The following ANKMY1 variants were observed in gnomAD, a reference collection of about 807,000 sequenced individuals.
ANKMY1 encodes ankyrin repeat and MYND domain-containing protein 1.
ANKMY1 carries 98 observed loss-of-function variants against 102.0 expected under a neutral mutation model. The observed-to-expected ratio is 0.96, with a 90% CI of 0.82 to 1.14. The LOEUF (loss-of-function observed/expected upper bound fraction) is 1.14. ANKMY1 is among the 50% of genes most tolerant of loss of function. The probability of loss-of-function intolerance (pLI) is 0.00; values close to 1 mark genes in which losing one functional copy is unlikely to be tolerated. For missense variants in ANKMY1, 1,330 were observed against 1,347.6 expected (o/e 0.99, Z 0.20); for synonymous variants, 582 against 559.9 (o/e 1.04, Z -0.56).
intron 5 of ANKMY1, 122 bp from the exon 6 acceptor site, chr2:240,526,567 ACTC>A: frequency 1.3e-6 from 2 of 1,499,532 alleles, no homozygotes; most frequent in Non-Finnish European, 1.8e-6. Flanking sequence ...CCCACTGTTC[ACTC>A]CTCAGGTACC....
At chr2:240,518,837 T>C (rs961921618) in intron 9 of ANKMY1, among the ~76,000 whole-genome samples, 11 of 152,092 alleles carry the variant, frequency 7.2e-5, no homozygotes, top group Non-Finnish European at 7.4e-5. Context: ...AAACCAAAAA[T>C]TCTGTTTTCT....
chr2:240,516,230 A>G (rs1212353607), intron 9 of ANKMY1, among the ~76,000 whole-genome samples: 1 of 151,584 alleles, frequency 6.6e-6, no homozygotes, highest in Non-Finnish European at 1.5e-5. Context: ...CTGTTTTATA[A>G]TATCAAGTGT....
intron 15 of ANKMY1, among the ~76,000 whole-genome samples, chr2:240,498,812 C>CAT (rs1328275816): frequency 8.6e-5 from 13 of 152,028 alleles, no homozygotes; most frequent in Admixed American, 8.5e-4. Flanking sequence ...GTTCACATGA[C>CAT]AGCTGGGAGT....
At chr2:240,505,115 G>A (rs1278974041) in intron 13 of ANKMY1, among the ~76,000 whole-genome samples, 1 of 152,106 alleles carries the variant, frequency 6.6e-6, no homozygotes, top group Non-Finnish European at 1.5e-5. Flanking sequence ...CACTGTTGGT[G>A]AGAACATGAA....
chr2:240,554,694 G>T, intron 3 of ANKMY1, 172 bp downstream of exon 3: 1 of 720,982 alleles, frequency 1.4e-6, no homozygotes, highest in Non-Finnish European at 2.2e-6. Context: ...GTGTGATTTT[G>T]GAAGTTGGGA....
chr2:240,559,568 TA>T (rs1291067009), upstream of ANKMY1, among the ~76,000 whole-genome samples: 3 of 152,132 alleles, frequency 2.0e-5, no homozygotes, highest in Admixed American at 2.0e-4. Context: ...TGTCCCAACC[TA>T]ATCAATGGCT....
chr2:240,483,662 A>T (rs2075709404), intron 15 of ANKMY1, among the ~76,000 whole-genome samples: 1 of 151,288 alleles, frequency 6.6e-6, no homozygotes. Flanking sequence ...TTCTTCCTTT[A>T]CTCTTCCGCA....
chr2:240,510,464 C>T (rs894930713), intron 11 of ANKMY1, among the ~76,000 whole-genome samples: 4 of 152,140 alleles, frequency 2.6e-5, no homozygotes, highest in Admixed American at 2.0e-4. Flanking sequence ...TCCTCCTCTT[C>T]TCCCAGAAGT....
chr2:240,519,237 T>G (rs962603106), intron 9 of ANKMY1, among the ~76,000 whole-genome samples: 2 of 152,064 alleles, frequency 1.3e-5, no homozygotes, highest in African/African-American at 4.8e-5. Context: ...GTTTCTTGAG[T>G]GTGGATGGGT....
chr2:240,480,624 T>C (rs901310102), intron 17 of ANKMY1, among the ~76,000 whole-genome samples: 7 of 151,972 alleles, frequency 4.6e-5, no homozygotes, highest in African/African-American at 1.4e-4. Context: ...CAGAGCCCCC[T>C]AGGAGTTCAG....
At position 240,520,863 on chromosome 2, in the gene ANKMY1, C is replaced by A. The variant is rs551370062; in HGVS notation, c.1833-330G>T. Among the ~76,000 whole-genome samples, 2 of 150,538 alleles carry A rather than the reference C, an allele frequency of 1.3e-5. No individual in the cohort carries two copies. Among genetic ancestry groups the A allele is most frequent in the Non-Finnish European group, 3.0e-5 (2 of 67,560 alleles). On this transcript the variant is annotated intron_variant, in intron 8 of 17. Transcript: ENST00000401804. The surrounding 1 kb of genome is among the most constrained non-coding windows in gnomAD (Gnocchi z 4.8). ...CCAGAGCGCACACACCATAGCACAG[C>A]GCACACCACACAGTACGCACACGGC...
In ANKMY1 at chr2:240,482,485, T is replaced by C. The variant is rs1192102648; in HGVS notation, c.2807-224A>G. On this transcript the variant is annotated intron_variant, in intron 15 of 17. Transcript: ENST00000401804. ...CACAGGCTCCAGGGAGGGGCTTCAC[T>C]CTTCAGTCTGCTGCTTCGCCTGTGT... Among the ~76,000 whole-genome samples, 6 of 152,276 alleles carry C rather than the reference T, an allele frequency of 3.9e-5. No individual in the cohort carries two copies. In the East Asian group the frequency reaches 9.6e-4, roughly 24 times the overall value.
chr2:240,526,170 A>G (rs914933930), intron 6 of ANKMY1, 59 bp downstream of exon 6: 15 of 1,586,000 alleles, frequency 9.5e-6, no homozygotes, highest in Non-Finnish European at 1.0e-5. Context: ...GGCCACCCAC[A>G]TGTGTGACCC....
At chr2:240,516,919 T>C (rs1380340882) in intron 9 of ANKMY1, among the ~76,000 whole-genome samples, 1 of 152,256 alleles carries the variant, frequency 6.6e-6, no homozygotes, top group Non-Finnish European at 1.5e-5. Context: ...AACACTGCTG[T>C]TTCTTTTTGT....
chr2:240,533,652 G>A (rs945495040), intron 4 of ANKMY1, among the ~76,000 whole-genome samples: 16 of 151,934 alleles, frequency 1.1e-4, no homozygotes, highest in African/African-American at 3.9e-4. Context: ...TGCATGGCTA[G>A]TGGCCACCAC....
intron 5 of ANKMY1, chr2:240,527,092 G>T: frequency 1.3e-6 from 1 of 741,324 alleles, no homozygotes; most frequent in Non-Finnish European, 1.6e-6. Context: ...GGATGGGTGG[G>T]TGGATGAATG....
chr2:240,480,007 C>T (rs138150007), intron 17 of ANKMY1, among the ~76,000 whole-genome samples: 12,400 of 152,158 alleles, frequency 0.081, 574 homozygotes, highest in Middle Eastern at 0.16. Flanking sequence ...ATCAGGAGAT[C>T]GAGACCATCC....
intron 16 of ANKMY1, 57 bp from the exon 17 acceptor site, chr2:240,481,154 A>G: frequency 6.4e-7 from 1 of 1,570,300 alleles, no homozygotes; most frequent in South Asian, 1.2e-5. Context: ...TTCCCCACAA[A>G]CAGCCGCTGC....
At chr2:240,482,731 A>G (rs2075565140) in intron 15 of ANKMY1, among the ~76,000 whole-genome samples, 1 of 152,204 alleles carries the variant, frequency 6.6e-6, no homozygotes, top group African/African-American at 2.4e-5. Context: ...TCTGTCCTGG[A>G]GAATGTCTCC....
Sources: gnomAD v4.1 joint callset for allele counts (sites outside exome capture counted in the v4.1 genomes callset) on GRCh38, gnomAD v4.1.1 for gene constraint, Gnocchi (gnomAD v3.1) non-coding constraint, MANE v1.5 for transcripts, NCBI Gene and HGNC (gene_info 2026-07-23, HGNC 2026-07-21) for gene names.